KMT2C: variants seen among roughly 807,000 people sequenced by gnomAD.
The protein encoded by KMT2C is histone-lysine N-methyltransferase 2C.
Under a neutral mutation model 507.9 loss-of-function variants are expected in KMT2C, and 88 were observed. The ratio of observed to expected loss-of-function variants is 0.17; its 90% CI spans 0.15 to 0.21. The LOEUF is 0.21. Among genes scored for constraint, KMT2C ranks in the 10% least tolerant of loss-of-function variants. The probability of loss-of-function intolerance (pLI) is 1.00; values close to 1 mark genes in which losing one functional copy is unlikely to be tolerated. For synonymous variants in KMT2C, 2,049 were observed against 2,080.8 expected (o/e 0.98, Z 0.42); for missense variants, 4,954 against 5,957.8 (o/e 0.83, Z 5.55).
In KMT2C at chr7:152,224,060, T is replaced by G. The variant is rs770960631; in HGVS notation, c.3278A>C (p.Asn1093Thr). Residue 1093 changes from asparagine (N) to threonine (T), a missense_variant, in exon 20 of 59, where the codon AAC becomes ACC. Physicochemically the swap from Asn to Thr is moderately conservative, Grantham distance 65 (BLOSUM62 0). Transcript: ENST00000262189. The part of the protein sequence containing the change: ...SLSSCPVCYR[N>T]YREEDLILQC... ...CAGAATAAGATCTTCTTCTCTATAG[T>G]TTCGATAGCAGACTGGACAGGAAGA... is the stretch of plus-strand genomic sequence containing the variant. 1.7e-5 allele frequency: 28 copies of G among 1,611,408 alleles called. No individual in the cohort carries two copies. Among genetic ancestry groups the G allele is most frequent in the Non-Finnish European group, 2.4e-5 (28 of 1,179,354 alleles).
chr7:152,329,294 G>C (rs1289270121), intron 3 of KMT2C, among the ~76,000 whole-genome samples: 1 of 152,166 alleles, frequency 6.6e-6, no homozygotes, highest in African/African-American at 2.4e-5. Context: ...GTCAGGTGCA[G>C]TGGTTCATGC....
chr7:152,213,709 C>T (rs2094506122), intron 23 of KMT2C, among the ~76,000 whole-genome samples: 2 of 147,508 alleles, frequency 1.4e-5, no homozygotes, highest in African/African-American at 5.0e-5. Flanking sequence ...CAAAAATAAG[C>T]AAGTGGGACT....
At chr7:152,273,642 AC>A in intron 7 of KMT2C, 62 bp downstream of exon 7, 2 of 1,607,278 alleles carry the variant, frequency 1.2e-6, no homozygotes, top group Non-Finnish European at 1.7e-6. Context: ...GGAATTTACA[AC>A]ATTTGTTATT....
chr7:152,337,856 AT>A (rs550943327), intron 2 of KMT2C, among the ~76,000 whole-genome samples: 1,608 of 140,442 alleles, frequency 0.011, 2 homozygotes, highest in African/African-American at 0.014. Context: ...ATACAACTTG[AT>A]TTTTTTTTTT....
intron 43 of KMT2C, among the ~76,000 whole-genome samples, chr7:152,160,715 T>A (rs1700340384): frequency 1.3e-5 from 2 of 150,074 alleles, no homozygotes; most frequent in South Asian, 2.1e-4. Flanking sequence ...AAATCACACT[T>A]TAATTTGGGG....
intron 2 of KMT2C, among the ~76,000 whole-genome samples, chr7:152,344,494 G>A (rs746051193): frequency 7.9e-5 from 12 of 152,032 alleles, no homozygotes; most frequent in African/African-American, 2.2e-4. Flanking sequence ...TTCAGACCAC[G>A]GTTAACTGGA....
intron 23 of KMT2C, among the ~76,000 whole-genome samples, chr7:152,219,256 C>A (rs887485273): frequency 6.6e-6 from 1 of 151,408 alleles, no homozygotes; most frequent in Non-Finnish European, 1.5e-5. Flanking sequence ...AGGCATGAGC[C>A]ACTGCGCCTG....
At chr7:152,368,844 G>A (rs1407539908) in intron 1 of KMT2C, among the ~76,000 whole-genome samples, 1 of 152,054 alleles carries the variant, frequency 6.6e-6, no homozygotes, top group East Asian at 1.9e-4. Context: ...ATTGTCTAGG[G>A]TGTTGTGTAC....
At chr7:152,226,057 T>C (rs186379713) in intron 18 of KMT2C, among the ~76,000 whole-genome samples, 1 of 152,008 alleles carries the variant, frequency 6.6e-6, no homozygotes. Context: ...TATTTATTCA[T>C]AGCAGAAAGT....
At chr7:152,430,365 T>C (rs1411787804) in intron 1 of KMT2C, among the ~76,000 whole-genome samples, 2 of 150,272 alleles carry the variant, frequency 1.3e-5, no homozygotes, top group South Asian at 4.2e-4. Context: ...CAAAACAATA[T>C]AGAAAAAAAA....
chr7:152,335,071 T>G, intron 2 of KMT2C, among the ~76,000 whole-genome samples: 1 of 152,170 alleles, frequency 6.6e-6, no homozygotes, highest in Non-Finnish European at 1.5e-5. Context: ...AAATATTTAA[T>G]ATAGCTATGA....
intron 47 of KMT2C, 42 bp downstream of exon 47, chr7:152,154,225 C>T (rs760342209): frequency 2.0e-5 from 32 of 1,607,464 alleles, no homozygotes; most frequent in African/African-American, 6.7e-5. Flanking sequence ...AGTAAATTGG[C>T]GTAGTGTAAA....
chr7:152,373,647 T>C (rs569496551), intron 1 of KMT2C, among the ~76,000 whole-genome samples: 1 of 152,144 alleles, frequency 6.6e-6, no homozygotes, highest in African/African-American at 2.4e-5. Flanking sequence ...ACTTAGAAAA[T>C]ACAAGTTTAT....
intron 23 of KMT2C, among the ~76,000 whole-genome samples, chr7:152,218,576 T>C (rs1000095711): frequency 1.3e-5 from 2 of 152,222 alleles, no homozygotes; most frequent in Admixed American, 6.5e-5. Context: ...ATTTATATCA[T>C]AGGAGAGTGT....
At chr7:152,301,592 C>T (rs530800022) in intron 6 of KMT2C, among the ~76,000 whole-genome samples, 11 of 152,228 alleles carry the variant, frequency 7.2e-5, no homozygotes, top group South Asian at 4.1e-4. Context: ...AAGGCTGAGA[C>T]GGGAGGACTG....
intron 1 of KMT2C, among the ~76,000 whole-genome samples, chr7:152,428,342 G>A (rs1392523694): frequency 2.0e-5 from 3 of 151,726 alleles, no homozygotes; most frequent in African/African-American, 7.3e-5. Context: ...GCTGGGTGCG[G>A]TGGCTCATGC....
At position 152,266,434 on chromosome 7, in the gene KMT2C, G is replaced by A. The variant is rs182226381; in HGVS notation, c.1013-1225C>T. 5.8e-3 allele frequency among the ~76,000 whole-genome samples: 878 copies of A among 151,960 alleles called. 3 individuals carry two copies. Among genetic ancestry groups the A allele is most frequent in the Non-Finnish European group, 9.5e-3 (648 of 67,940 alleles). ...TAATTTTTATATTTTCAGTAGAGAC[G>A]GTGTTTCGCCACATTGCCCAGGCTG... On this transcript the variant is annotated intron_variant, in intron 7 of 58. Coordinates refer to ENST00000262189, the MANE Select transcript of KMT2C (RefSeq NM_170606.3).
chr7:152,229,513 A>C (rs2095041994), intron 18 of KMT2C, among the ~76,000 whole-genome samples: 1 of 152,174 alleles, frequency 6.6e-6, no homozygotes. Flanking sequence ...ATAAGGAGAA[A>C]ATGTCATTTT....
intron 1 of KMT2C, chr7:152,367,008 A>T (rs1278934441): frequency 1.7e-6 from 1 of 582,088 alleles, no homozygotes; most frequent in Non-Finnish European, 3.0e-6. Flanking sequence ...CCCTTGCCTC[A>T]CCTGAGCCTG....
Sources: allele counts gnomAD v4.1 joint callset (sites outside exome capture counted in the v4.1 genomes callset), GRCh38; gene constraint gnomAD v4.1.1; transcripts MANE v1.5; gene names NCBI Gene and HGNC (gene_info 2026-07-23, HGNC 2026-07-21).